Variants in SEPTIN12 observed in about 807,000 individuals in gnomAD.
The protein encoded by SEPTIN12 is septin-12.
In SEPTIN12, 42 loss-of-function variants were observed where a neutral mutation model predicts 37.7. That is an observed-to-expected ratio of 1.11 (90% CI 0.87 to 1.44). The LOEUF (loss-of-function observed/expected upper bound fraction) is 1.44. SEPTIN12 is among the 40% of genes most tolerant of loss of function. The pLI is 0.00. For missense variants in SEPTIN12, 613 were observed against 479.2 expected (o/e 1.28, Z -2.61); for synonymous variants, 254 against 196.7 (o/e 1.29, Z -2.44).
chr16:4,778,809 T>C (rs8060258), intron 8 of SEPTIN12, among the ~76,000 whole-genome samples: 39,370 of 147,956 alleles, frequency 0.27, 5,281 homozygotes, highest in South Asian at 0.43. Flanking sequence ...CAAAAAAATA[T>C]ATATATATAG....
chr16:4,777,757 G>T lies in SEPTIN12; in HGVS notation c.*40C>A. Reference sequence around the variant, plus strand: ...CATAGGTGTGTGTTGAGAGCCGCTGGGGACTCAGGAAGCCCAGCAGCCCCG... The same window carrying T: ...CATAGGTGTGTGTTGAGAGCCGCTGTGGACTCAGGAAGCCCAGCAGCCCCG... On this transcript the variant is annotated 3_prime_UTR_variant, in exon 10 of 10. Coordinates refer to ENST00000268231, the MANE Select transcript of SEPTIN12 (RefSeq NM_144605.5). 7.2e-7 allele frequency: 1 copy of T among 1,393,012 alleles called. No homozygotes were observed. Among genetic ancestry groups the T allele is most frequent in the Non-Finnish European group, 9.6e-7 (1 of 1,037,884 alleles). 86.3% of individuals were successfully genotyped at this position (1,393,012 alleles called of 1,614,324 possible). A position where few individuals can be genotyped will look rare whatever the true frequency, so the allele number is the denominator to read the frequency against.
intron 8 of SEPTIN12, 28 bp from the exon 9 acceptor site, chr16:4,778,165 G>C: frequency 6.2e-7 from 1 of 1,612,864 alleles, no homozygotes; most frequent in South Asian, 1.1e-5. Context: ...CAGTATGGGC[G>C]CTGCTTAGTG....
chr16:4,778,822 T>C (rs1288006276), intron 8 of SEPTIN12, among the ~76,000 whole-genome samples: 3 of 146,582 alleles, frequency 2.0e-5, no homozygotes, highest in Admixed American at 6.9e-5. Context: ...ATATATAGTA[T>C]AGAATATTTC....
At chr16:4,780,581 T>G (rs946300867) in intron 7 of SEPTIN12, among the ~76,000 whole-genome samples, 2 of 152,192 alleles carry the variant, frequency 1.3e-5, no homozygotes, top group South Asian at 4.1e-4. Flanking sequence ...TAAACTCCAG[T>G]TGTTTACTTG....
At chr16:4,785,909 C>A in intron 3 of SEPTIN12, 21 bp from the exon 4 acceptor site, 1 of 993,814 alleles carries the variant, frequency 1.0e-6, no homozygotes. Flanking sequence ...AGAGCAGAGT[C>A]GGGAGAGACT....
intron 7 of SEPTIN12, among the ~76,000 whole-genome samples, chr16:4,781,645 ATTT>A (rs35411843): frequency 1.3e-4 from 17 of 134,706 alleles, no homozygotes; most frequent in Non-Finnish European, 2.6e-4. Flanking sequence ...ACAGTGCTTC[ATTT>A]TTTTTTTTTT....
intron 7 of SEPTIN12, among the ~76,000 whole-genome samples, chr16:4,781,164 C>A (rs905085745): frequency 1.3e-5 from 2 of 151,108 alleles, no homozygotes; most frequent in East Asian, 1.9e-4. Flanking sequence ...GAGGCTGAGG[C>A]AGGAGAATCG....
intron 2 of SEPTIN12, among the ~76,000 whole-genome samples, chr16:4,787,032 C>T (rs1413144928): frequency 2.0e-5 from 3 of 152,034 alleles, no homozygotes; most frequent in East Asian, 3.9e-4. Flanking sequence ...CCCACCACCA[C>T]GCCTGGCAAA....
At chr16:4,786,821 T>A (rs1018622228) in intron 2 of SEPTIN12, among the ~76,000 whole-genome samples, 1 of 151,900 alleles carries the variant, frequency 6.6e-6, no homozygotes, top group Middle Eastern at 3.2e-3. Flanking sequence ...AATTTTTAAA[T>A]TTTTTTTGTA....
chr16:4,789,394 C>T (rs2082514196), upstream of SEPTIN12, among the ~76,000 whole-genome samples: 1 of 151,450 alleles, frequency 6.6e-6, no homozygotes, highest in South Asian at 2.1e-4. Context: ...GGCATGATCT[C>T]GGCTCACTGT....
intron 7 of SEPTIN12, among the ~76,000 whole-genome samples, chr16:4,781,871 C>T (rs1213927264): frequency 2.0e-5 from 3 of 148,352 alleles, no homozygotes; most frequent in Admixed American, 1.4e-4. Context: ...CTCGAACTCC[C>T]GACCTCAGGT....
rs769580169 is a variant in SEPTIN12, at chr16:4,787,579, G to C, written c.67C>G (p.Pro23Ala). 2 of 1,609,254 alleles carry C rather than the reference G, an allele frequency of 1.2e-6. No homozygotes were observed. Among genetic ancestry groups the C allele is most frequent in the Admixed American group, 1.7e-5 (1 of 59,982 alleles). ...SSQPSSPSTP[P>A]CEMLGPVGIE... Reference sequence around the variant, plus strand: ...CCCACAGGACCAAGCATCTCGCAGGGTGGGGTGCTGGGGCTGGAGGGCTGC... The same window carrying C: ...CCCACAGGACCAAGCATCTCGCAGGCTGGGGTGCTGGGGCTGGAGGGCTGC... The change falls in exon 2 of 10, where the codon CCC becomes GCC. Residue 23 changes from proline (P) to alanine (A), a missense_variant. Physicochemically the swap from Pro to Ala is conservative, Grantham distance 27. Transcript: ENST00000268231.
rs199655879 is a variant in SEPTIN12 at position 4,777,816 on chromosome 16, T to A, written c.1058A>T (p.Asp353Val). ...CGGTGGTCAGAACTCATCATCAGAA[T>A]CGTCATGGGCCCCCCTGCAGACCTT... ...TFKVCRGAHD[D>V]SDDEF Residue 353 changes from aspartate to valine, a missense_variant, in exon 10 of 10, where the codon GAT (aspartate) becomes GTT (valine). Coordinates refer to ENST00000268231, the MANE Select transcript of SEPTIN12 (RefSeq NM_144605.5). 1 of 1,568,286 alleles carries A rather than the reference T, an allele frequency of 6.4e-7. No individual in the cohort carries two copies. Among genetic ancestry groups the A allele is most frequent in the African/African-American group, 1.3e-5 (1 of 74,126 alleles).
In SEPTIN12 at chr16:4,786,108, G is replaced by A; in HGVS notation, c.167-3C>T. 6.3e-7 allele frequency: 1 copy of A among 1,598,442 alleles called. No individual in the cohort carries two copies. The highest frequency in any genetic ancestry group is 1.1e-5 in the South Asian group (1 of 89,514). On this transcript the variant is annotated splice_region_variant and splice_polypyrimidine_tract_variant and intron_variant, in intron 2 of 9. Transcript: ENST00000268231. ...GGACTTGCCCAGCCCGCTTTGCCCT[G>A]GGAGTGGCAACCGGATGACAGCAGT...
intron 4 of SEPTIN12, chr16:4,784,364 A>C (rs934225504): frequency 3.6e-5 from 14 of 386,388 alleles, no homozygotes; most frequent in African/African-American, 2.6e-4. Context: ...AGCTGGGCCC[A>C]AACCACCAAG....
chr16:4,783,428 C>G (rs368690303), intron 7 of SEPTIN12, 34 bp downstream of exon 7: 14 of 1,517,160 alleles, frequency 9.2e-6, no homozygotes, highest in Non-Finnish European at 1.3e-5. Context: ...GGAAGGAAAT[C>G]ACCTCGCCCG....
chr16:4,787,806 G>T, intron 1 of SEPTIN12, 139 bp from the exon 2 acceptor site: 1 of 597,190 alleles, frequency 1.7e-6, no homozygotes, highest in South Asian at 2.0e-5. Context: ...TACCCTAAGT[G>T]CCTGTAGTCC....
In SEPTIN12 at chr16:4,786,104, C is replaced by T. The variant is rs1174343207; in HGVS notation, c.168G>A (p.Gly56=). The T allele has an allele frequency of 2.5e-6, 4 of 1,599,248 alleles. No individual in the cohort carries two copies. The highest frequency in any genetic ancestry group is 3.4e-6 in the Non-Finnish European group (4 of 1,170,960). ...MGFEFNIMVV[G]QSGLGKSTMV... ...TCGTGGACTTGCCCAGCCCGCTTTG[C>T]CCTGGGAGTGGCAACCGGATGACAG... The change falls in exon 3 of 10, where the codon GGG becomes GGA. Residue 56 remains glycine, a splice_region_variant and synonymous_variant. Transcript: ENST00000268231.
At chr16:4,779,835 G>A in intron 7 of SEPTIN12, 49 bp from the exon 8 acceptor site, 1 of 1,329,388 alleles carries the variant, frequency 7.5e-7, no homozygotes, top group Non-Finnish European at 1.1e-6. Context: ...TCGCTGGGGA[G>A]AAGAGAAGAA....
Sources: gnomAD v4.1 joint callset for allele counts (sites outside exome capture counted in the v4.1 genomes callset) on GRCh38, gnomAD v4.1.1 for gene constraint, MANE v1.5 for transcripts, NCBI Gene and HGNC (gene_info 2026-07-23, HGNC 2026-07-21) for gene names.